STK32B: variants seen among roughly 807,000 people sequenced by gnomAD.
STK32B encodes the protein serine/threonine kinase 32B.
STK32B carries 43 observed loss-of-function variants against 52.6 expected under a neutral mutation model. The observed-to-expected ratio is 0.82, with a 90% confidence interval of 0.64 to 1.05. The LOEUF is 1.05. STK32B is among the 50% of genes least tolerant of loss of function. STK32B has a pLI of 0.00. For missense variants in STK32B, 621 were observed against 534.6 expected (o/e 1.16, Z -1.59); for synonymous variants, 238 against 204.3 (o/e 1.17, Z -1.41).
intron 3 of STK32B, among the ~76,000 whole-genome samples, chr4:5,269,983 A>AT (rs1727317761): frequency 6.6e-6 from 1 of 152,214 alleles, no homozygotes; most frequent in Non-Finnish European, 1.5e-5. Flanking sequence ...AATTCAGTAT[A>AT]TATACAAACT....
chr4:5,478,278 T>A (rs1718390651), intron 11 of STK32B, among the ~76,000 whole-genome samples: 1 of 152,192 alleles, frequency 6.6e-6, no homozygotes, highest in Non-Finnish European at 1.5e-5. Context: ...CAGAGACTGC[T>A]GCCCTTCAGT....
At chr4:5,167,245 G>A (rs1317085486) in intron 2 of STK32B, among the ~76,000 whole-genome samples, 4 of 152,136 alleles carry the variant, frequency 2.6e-5, no homozygotes, top group Non-Finnish European at 1.5e-5. Flanking sequence ...CAGGCCTCAT[G>A]GATTTGAACC....
chr4:5,204,538 C>T (rs1184231620), intron 3 of STK32B, among the ~76,000 whole-genome samples: 1 of 151,086 alleles, frequency 6.6e-6, no homozygotes, highest in South Asian at 2.1e-4. Context: ...GGCATGATCT[C>T]GACTCACTGC....
intron 6 of STK32B, among the ~76,000 whole-genome samples, chr4:5,445,485 C>T (rs111931602): frequency 1.3e-5 from 2 of 152,190 alleles, no homozygotes; most frequent in East Asian, 3.9e-4. Context: ...GACAATTAGA[C>T]CCTACAATGC....
At chr4:5,067,845 A>G (rs1711522769) in intron 1 of STK32B, among the ~76,000 whole-genome samples, 1 of 152,120 alleles carries the variant, frequency 6.6e-6, no homozygotes, top group Non-Finnish European at 1.5e-5. Flanking sequence ...AAGCACGCAC[A>G]TCTTACATGG....
At chr4:5,440,513 A>C (rs535816950) in intron 6 of STK32B, among the ~76,000 whole-genome samples, 1 of 152,170 alleles carries the variant, frequency 6.6e-6, no homozygotes, top group African/African-American at 2.4e-5. Flanking sequence ...GGCTGAGACA[A>C]TGGGGTTTTC....
chr4:5,424,553 C>G (rs1024002533), intron 6 of STK32B, among the ~76,000 whole-genome samples: 1 of 152,240 alleles, frequency 6.6e-6, no homozygotes, highest in Non-Finnish European at 1.5e-5. Context: ...GAGGAGCTAC[C>G]TGCTGTGGGT....
intron 1 of STK32B, among the ~76,000 whole-genome samples, chr4:5,071,100 T>C (rs1268479084): frequency 6.6e-6 from 1 of 152,184 alleles, no homozygotes; most frequent in African/African-American, 2.4e-5. Flanking sequence ...TCCCTGAAGC[T>C]GGCTCTATTA....
At chr4:5,230,112 C>T (rs1724150091) in intron 3 of STK32B, among the ~76,000 whole-genome samples, 1 of 151,054 alleles carries the variant, frequency 6.6e-6, no homozygotes, top group South Asian at 2.1e-4. Context: ...TCTCCTGCCT[C>T]AGCCTCCCAA....
At chr4:5,240,553 G>A (rs770888325) in intron 3 of STK32B, among the ~76,000 whole-genome samples, 1 of 152,002 alleles carries the variant, frequency 6.6e-6, no homozygotes, top group Non-Finnish European at 1.5e-5. Flanking sequence ...TCCGCCTCCC[G>A]GGTTCAAGCG....
At chr4:5,204,463 G>T (rs1722414288) in intron 3 of STK32B, among the ~76,000 whole-genome samples, 1 of 150,882 alleles carries the variant, frequency 6.6e-6, no homozygotes, top group Non-Finnish European at 1.5e-5. Flanking sequence ...AGGTTTTTTT[G>T]TTTTGTTTTG....
chr4:5,186,044 C>A (rs1720712689), intron 3 of STK32B, among the ~76,000 whole-genome samples: 1 of 152,206 alleles, frequency 6.6e-6, no homozygotes, highest in South Asian at 2.1e-4. Flanking sequence ...TCCTGCTCAT[C>A]CTCCACAGGA....
At chr4:5,481,644 C>T (rs1718720649) in intron 11 of STK32B, among the ~76,000 whole-genome samples, 1 of 152,190 alleles carries the variant, frequency 6.6e-6, no homozygotes, top group South Asian at 2.1e-4. Flanking sequence ...GTGTTTTAGA[C>T]ATGAAGTCCT....
chr4:5,427,959 T>G (rs1713239684), intron 6 of STK32B, among the ~76,000 whole-genome samples: 1 of 151,908 alleles, frequency 6.6e-6, no homozygotes, highest in South Asian at 2.1e-4. Context: ...TAATTTATTC[T>G]TCTTATTCTA....
rs554690381 is a variant in STK32B, at chr4:5,209,975, T to C, written c.260+41525T>C. Among the ~76,000 whole-genome samples, 16 of 152,302 alleles carry C rather than the reference T, an allele frequency of 1.1e-4. No homozygotes were observed. The South Asian group carries it at 1.5e-3, about 14-fold the overall frequency. ...TGCTGACACAGGGATTTAGGTCAAATATGTGAATTTCTAGAGGCCAACTGC... is the reference window on the plus strand; with the variant it reads ...TGCTGACACAGGGATTTAGGTCAAACATGTGAATTTCTAGAGGCCAACTGC... On this transcript the variant is annotated intron_variant, in intron 3 of 11. Transcript: ENST00000282908.
chr4:5,495,946 C>T (rs1720196448), intron 11 of STK32B, among the ~76,000 whole-genome samples: 1 of 152,260 alleles, frequency 6.6e-6, no homozygotes, highest in East Asian at 1.9e-4. Context: ...AATTTTGTCT[C>T]AGTGGAGTAC....
At chr4:5,337,777 A>G (rs568147536) in intron 4 of STK32B, among the ~76,000 whole-genome samples, 10 of 152,216 alleles carry the variant, frequency 6.6e-5, no homozygotes, top group Non-Finnish European at 1.0e-4. Flanking sequence ...ACAGGACAAC[A>G]TCTGTGTAGA....
At chr4:5,436,560 C>G (rs1345433716) in intron 6 of STK32B, 2 of 984,766 alleles carry the variant, frequency 2.0e-6, no homozygotes, top group African/African-American at 3.5e-5. Context: ...CTCTCTGGGT[C>G]CAGAGGCCCA....
intron 1 of STK32B, among the ~76,000 whole-genome samples, chr4:5,072,829 T>G (rs1711861716): frequency 6.6e-6 from 1 of 152,164 alleles, no homozygotes; most frequent in Non-Finnish European, 1.5e-5. Context: ...TCTTTATGTA[T>G]GATTGTGAAT....
Sources: allele counts gnomAD v4.1 joint callset (sites outside exome capture counted in the v4.1 genomes callset), GRCh38; gene constraint gnomAD v4.1.1; transcripts MANE v1.5; gene names NCBI Gene and HGNC (gene_info 2026-07-23, HGNC 2026-07-21).